The following TEX10 variants were observed in gnomAD, a reference collection of about 807,000 sequenced individuals.
The protein encoded by TEX10 is testis-expressed protein 10.
Under a neutral mutation model 104.4 loss-of-function variants are expected in TEX10, and 24 were observed. The observed-to-expected ratio is 0.23, with a 90% CI of 0.17 to 0.32. TEX10 has a LOEUF of 0.32. Ranked by LOEUF, TEX10 falls within the 10% of genes least tolerant of loss-of-function variation. TEX10 has a pLI of 1.00. For missense variants in TEX10, 921 were observed against 1,083.9 expected, an observed-to-expected ratio of 0.85 and a Z score of 2.11; for synonymous variants, 396 against 393.4, an observed-to-expected ratio of 1.01 and a Z score of -0.08.
chr9:100,311,113 TC>T (rs1834269831), intron 11 of TEX10, among the ~76,000 whole-genome samples: 1 of 152,094 alleles, frequency 6.6e-6, no homozygotes, highest in African/African-American at 2.4e-5. Flanking sequence ...GAAACGTTTT[TC>T]AGCCAGGCCT....
intron 11 of TEX10, among the ~76,000 whole-genome samples, chr9:100,310,759 C>T (rs963664855): frequency 6.6e-6 from 1 of 152,178 alleles, no homozygotes; most frequent in Non-Finnish European, 1.5e-5. Flanking sequence ...TTAATACCTA[C>T]TTGCTCTACA....
intron 11 of TEX10, among the ~76,000 whole-genome samples, chr9:100,313,694 C>T (rs984445124): frequency 6.6e-6 from 1 of 151,622 alleles, no homozygotes; most frequent in Admixed American, 6.6e-5. Flanking sequence ...ACTAAAAATA[C>T]AAAAGCAGGT....
rs1418850132 is a variant in TEX10 at position 100,352,910 on chromosome 9, G to T, written c.-148C>A. 5.0e-6 allele frequency: 5 copies of T among 990,314 alleles called. No homozygotes were observed. Among genetic ancestry groups the T allele is most frequent in the African/African-American group, 3.5e-5 (2 of 57,308 alleles). The allele number at this position is 990,314 out of a possible 1,614,324, so 61.3% of individuals were successfully genotyped here. ...TTTTCAAATAGCCTCGTCCTCACGCGGCCGCGTCTCCTTCCGCCGCCCGGA... is the reference window on the plus strand; with the variant it reads ...TTTTCAAATAGCCTCGTCCTCACGCTGCCGCGTCTCCTTCCGCCGCCCGGA... On this transcript the variant is annotated 5_prime_UTR_variant, in exon 1 of 15. Coordinates refer to ENST00000374902, the MANE Select transcript of TEX10 (RefSeq NM_017746.4).
intron 10 of TEX10, among the ~76,000 whole-genome samples, chr9:100,321,057 T>C (rs1834558425): frequency 6.6e-6 from 1 of 152,180 alleles, no homozygotes; most frequent in African/African-American, 2.4e-5. Context: ...ATCATCTAGT[T>C]TGATAGCCAT....
chr9:100,334,120 G>A (rs1834944952), intron 5 of TEX10, among the ~76,000 whole-genome samples: 1 of 152,044 alleles, frequency 6.6e-6, no homozygotes, highest in Non-Finnish European at 1.5e-5. Context: ...TTTCAGAAGC[G>A]ATGAAAAGAC....
chr9:100,326,561 A>AT, intron 8 of TEX10, 82 bp from the exon 9 acceptor site: 1 of 1,357,838 alleles, frequency 7.4e-7, no homozygotes, highest in South Asian at 1.5e-5. Flanking sequence ...AATGACTTCC[A>AT]TTGAATTATG....
chr9:100,320,560 T>G (rs1159542493), intron 10 of TEX10, among the ~76,000 whole-genome samples, 162 bp from the exon 11 acceptor site: 1 of 152,202 alleles, frequency 6.6e-6, no homozygotes, highest in Non-Finnish European at 1.5e-5. Flanking sequence ...AAAAATAAAA[T>G]GCTAGCAATG....
At chr9:100,307,753 G>A (rs1834178303) in intron 13 of TEX10, 1 of 151,842 alleles carries the variant, frequency 6.6e-6, no homozygotes, top group South Asian at 2.1e-4. Context: ...ACCTGGGGTT[G>A]GTTAAATGGA....
chr9:100,352,749 C>T, intron 1 of TEX10, 23 bp downstream of exon 1: 1 of 1,165,226 alleles, frequency 8.6e-7, no homozygotes, highest in Non-Finnish European at 1.1e-6. Flanking sequence ...GAGGACCCGG[C>T]CCGACGGGCG....
chr9:100,327,058 T>C (rs1437097650), intron 8 of TEX10, among the ~76,000 whole-genome samples: 1 of 152,170 alleles, frequency 6.6e-6, no homozygotes, highest in Admixed American at 6.5e-5. Context: ...GAAAATATTA[T>C]GCTAAGTGAA....
At chr9:100,329,299 T>C in intron 6 of TEX10, 24 bp from the exon 7 acceptor site, 1 of 1,581,760 alleles carries the variant, frequency 6.3e-7, no homozygotes, top group Non-Finnish European at 8.5e-7. Flanking sequence ...GAAAACAACT[T>C]GCATATGAAT....
At chr9:100,303,873 G>A (rs1834079307) in intron 13 of TEX10, 31 bp from the exon 14 acceptor site, 2 of 1,606,788 alleles carry the variant, frequency 1.2e-6, no homozygotes, top group Non-Finnish European at 8.5e-7. Flanking sequence ...ATGAGTCAGT[G>A]AGCAAATGCC....
chr9:100,310,210 G>C, intron 12 of TEX10, 89 bp downstream of exon 12: 1 of 1,030,802 alleles, frequency 9.7e-7, no homozygotes, highest in Non-Finnish European at 1.5e-6. Context: ...TAGAATTCCA[G>C]ACATGCTCTT....
In TEX10 at chr9:100,346,570, T is replaced by A. The variant is rs1484478349; in HGVS notation, c.893+124A>T. On this transcript the variant is annotated intron_variant, in intron 3 of 14. Transcript: ENST00000374902. ...CTTCCCATCAGTAAATAAAATCAAA[T>A]CATGAGTAACTATATGAAAACTATG... is the stretch of plus-strand genomic sequence containing the variant. The A allele has an allele frequency of 1.2e-5, 13 of 1,115,976 alleles. No homozygotes were observed. In the East Asian group the frequency reaches 2.9e-4, roughly 24 times the overall value. 69.1% of individuals were successfully genotyped at this position (1,115,976 alleles called of 1,614,324 possible).
At chr9:100,342,096 A>C (rs1835188243) in intron 4 of TEX10, among the ~76,000 whole-genome samples, 1 of 152,232 alleles carries the variant, frequency 6.6e-6, no homozygotes, top group Non-Finnish European at 1.5e-5. Flanking sequence ...TTCTTCAAAT[A>C]TGCGAAGCCT....
intron 11 of TEX10, among the ~76,000 whole-genome samples, chr9:100,311,985 G>A (rs1465787134): frequency 6.6e-6 from 1 of 151,846 alleles, no homozygotes; most frequent in African/African-American, 2.4e-5. Context: ...TGTGTGGGGG[G>A]GGGAATCAAC....
At chr9:100,321,564 G>T in intron 10 of TEX10, 119 bp downstream of exon 10, 1 of 757,856 alleles carries the variant, frequency 1.3e-6, no homozygotes, top group Non-Finnish European at 2.1e-6. Flanking sequence ...ATCACTCCAA[G>T]ATAGAATATT....
chr9:100,327,972 G>A lies in TEX10; in HGVS notation c.1626-10C>T. ...CACTTTACTACGATATCTTAGAAAG[G>A]CCAAAGAAGAATAAAATGTAATACT... is the stretch of plus-strand genomic sequence containing the variant. On this transcript the variant is annotated splice_polypyrimidine_tract_variant and intron_variant, in intron 7 of 14. Coordinates refer to ENST00000374902, the MANE Select transcript of TEX10 (RefSeq NM_017746.4). The A allele has an allele frequency of 6.6e-7, 1 of 1,511,596 alleles. No homozygotes were observed. Among genetic ancestry groups the A allele is most frequent in the South Asian group, 1.4e-5 (1 of 72,924 alleles). The allele number at this position is 1,511,596 out of a possible 1,614,324, so 93.6% of individuals were successfully genotyped here. A position where few individuals can be genotyped will look rare whatever the true frequency, so the allele number is the denominator to read the frequency against.
Position 100,346,811 on chromosome 9 carries a change from T to A in TEX10, c.776A>T (p.His259Leu), listed in dbSNP as rs766421857. ...GATAAAAATGGAGTTGCTAGTGGCA[T>A]GGGGATTTTCTTTCTGTTCCTGAAG... Reference protein sequence around the residue: ...EGLQEQKENPHATSNSIFINW... With the variant: ...EGLQEQKENPLATSNSIFINW... Residue 259 changes from histidine (H) to leucine (L), a missense_variant, in exon 3 of 15, where the codon CAT (histidine) becomes CTT (leucine). Coordinates refer to ENST00000374902, the MANE Select transcript of TEX10 (RefSeq NM_017746.4). 9.3e-6 allele frequency: 15 copies of A among 1,614,058 alleles called. No individual in the cohort carries two copies. In the African/African-American group the frequency reaches 1.5e-4, roughly 16 times the overall value.
Sources: allele counts gnomAD v4.1 joint callset (sites outside exome capture counted in the v4.1 genomes callset), GRCh38; gene constraint gnomAD v4.1.1; transcripts MANE v1.5; gene names NCBI Gene and HGNC (gene_info 2026-07-23, HGNC 2026-07-21).